ZNF541: variants seen among roughly 807,000 people sequenced by gnomAD.
The protein encoded by ZNF541 is zinc finger protein 541.
ZNF541 carries 23 observed loss-of-function variants against 123.5 expected under a neutral mutation model. That is an observed-to-expected ratio of 0.19 (90% confidence interval 0.13 to 0.26). ZNF541 has a LOEUF of 0.26. ZNF541 is among the 10% of genes least tolerant of loss of function. ZNF541 has a pLI of 1.00. For synonymous variants in ZNF541, 751 were observed against 754.5 expected, an observed-to-expected ratio of 1.00 and a Z score of 0.08; for missense variants, 1,612 against 1,789.9, an observed-to-expected ratio of 0.90 and a Z score of 1.79.
In ZNF541 at chr19:47,539,783, G is replaced by A. The variant is rs1314196390; in HGVS notation, c.2718C>T (p.Pro906=). The stretch of plus-strand genomic sequence containing the variant: ...GGACCACCAAAGGGGCTGCAGCTGT[G>A]GGGTCCAAGGGCTTCTTGGTTCCTG... ...SPPGTKKPLD[P]TAAAPLVVPQ... is the part of the protein sequence containing the mutation. The change falls in exon 8 of 17, where the codon CCC becomes CCT. Residue 906 remains proline, a synonymous_variant. Coordinates refer to ENST00000391901, the MANE Select transcript of ZNF541 (RefSeq NM_001277075.3). 1 of 1,478,552 alleles carries A rather than the reference G, an allele frequency of 6.8e-7. No individual in the cohort carries two copies. The highest frequency in any genetic ancestry group is 1.5e-5 in the African/African-American group (1 of 67,508). The allele number at this position is 1,478,552 out of a possible 1,614,324, so 91.6% of individuals were successfully genotyped here.
chr19:47,570,634 T>C (rs889161718), intron 2 of ZNF541, among the ~76,000 whole-genome samples: 2 of 148,676 alleles, frequency 1.3e-5, no homozygotes, highest in African/African-American at 5.0e-5. Flanking sequence ...ATATAATGGG[T>C]TTATTACTGC....
intron 12 of ZNF541, among the ~76,000 whole-genome samples, chr19:47,530,165 T>C: frequency 6.8e-6 from 1 of 147,198 alleles, no homozygotes. Flanking sequence ...GCTAACAATT[T>C]TCTTTGTTTT....
intron 2 of ZNF541, among the ~76,000 whole-genome samples, chr19:47,569,269 T>C (rs1343565734): frequency 6.6e-6 from 1 of 152,078 alleles, no homozygotes; most frequent in Non-Finnish European, 1.5e-5. Context: ...ATAATAATAA[T>C]AACAGTGAAC....
At chr19:47,556,552 C>T (rs1418892233) in intron 2 of ZNF541, among the ~76,000 whole-genome samples, 1 of 151,970 alleles carries the variant, frequency 6.6e-6, no homozygotes, top group Non-Finnish European at 1.5e-5. Context: ...TCAAGCGATC[C>T]TCCCACCTTG....
intron 14 of ZNF541, among the ~76,000 whole-genome samples, chr19:47,528,477 C>T (rs184459982): frequency 5.1e-4 from 78 of 151,740 alleles, no homozygotes; most frequent in African/African-American, 1.6e-3. Flanking sequence ...CCACCATGCC[C>T]GGCTAATTTT....
At chr19:47,558,399 G>C (rs56064161) in intron 2 of ZNF541, among the ~76,000 whole-genome samples, 6,539 of 151,690 alleles carry the variant, frequency 0.043, 452 homozygotes, top group African/African-American at 0.15. Context: ...CTGGGCAACA[G>C]AGCGAGACTC....
At chr19:47,548,747 C>T (rs891090106) in intron 4 of ZNF541, among the ~76,000 whole-genome samples, 3 of 152,112 alleles carry the variant, frequency 2.0e-5, no homozygotes, top group Non-Finnish European at 2.9e-5. Flanking sequence ...GGGACAGCAG[C>T]GCCCACTCTC....
chr19:47,524,023 C>G (rs1599936894), intron 14 of ZNF541, among the ~76,000 whole-genome samples: 4 of 152,146 alleles, frequency 2.6e-5, no homozygotes, highest in African/African-American at 7.2e-5. Flanking sequence ...AGTGCCCGTT[C>G]CCACAGCCAG....
chr19:47,524,706 TAAA>T (rs1159585510), intron 14 of ZNF541, among the ~76,000 whole-genome samples: 7 of 96,730 alleles, frequency 7.2e-5, no homozygotes, highest in African/African-American at 1.2e-4. Flanking sequence ...AGACTCTGTC[TAAA>T]AAAAAAAAAA....
intron 2 of ZNF541, among the ~76,000 whole-genome samples, chr19:47,568,973 A>C (rs964506405): frequency 6.6e-6 from 1 of 151,926 alleles, no homozygotes; most frequent in African/African-American, 2.4e-5. Flanking sequence ...CCCAGCCTCC[A>C]CTCCAAATAT....
chr19:47,564,107 C>T (rs1416487365), intron 2 of ZNF541, among the ~76,000 whole-genome samples: 1 of 152,146 alleles, frequency 6.6e-6, no homozygotes, highest in Admixed American at 6.5e-5. Flanking sequence ...ATGGTCTTGC[C>T]CATTACACAG....
chr19:47,560,145 G>A (rs542197762), intron 2 of ZNF541, among the ~76,000 whole-genome samples: 7 of 152,150 alleles, frequency 4.6e-5, no homozygotes, highest in African/African-American at 1.2e-4. Context: ...CAGACAGGGC[G>A]TTTGTTGCAA....
chr19:47,545,751 G>T lies in ZNF541; in HGVS notation c.778C>A (p.Pro260Thr). ...AGGGAGCCGGGGGACCTGGCCTCTG[G>T]GGGCACCAGGGACCGCAGGCTGCTG... ...PPSSLRSLVP[P>T]EARSPGSLLP... Residue 260 changes from proline (P) to threonine (T), a missense_variant, in exon 5 of 17, where the codon CCA becomes ACA. This residue lies in a region of ZNF541 where 1,080 missense variants were observed against 1,013.8 expected (regional missense o/e 1.07). Transcript: ENST00000391901. This position sits in a 1 kb window ranked among gnomAD's most constrained non-coding sequence, Gnocchi z 7.5. The T allele has an allele frequency of 1.3e-6, 2 of 1,543,382 alleles. No individual in the cohort carries two copies. Among genetic ancestry groups the T allele is most frequent in the South Asian group, 1.2e-5 (1 of 83,966 alleles).
intron 14 of ZNF541, among the ~76,000 whole-genome samples, chr19:47,523,164 G>A (rs1250617520): frequency 6.6e-6 from 1 of 150,630 alleles, no homozygotes; most frequent in East Asian, 1.9e-4. Context: ...GAGTAGCTGG[G>A]ACTATAGGCG....
chr19:47,529,153 G>T, intron 13 of ZNF541, 115 bp from the exon 14 acceptor site: 1 of 767,316 alleles, frequency 1.3e-6, no homozygotes, highest in Non-Finnish European at 2.1e-6. Flanking sequence ...CCAATTATGT[G>T]CCAATCTCAT....
At chr19:47,563,472 T>C (rs1382620717) in intron 2 of ZNF541, among the ~76,000 whole-genome samples, 2 of 152,116 alleles carry the variant, frequency 1.3e-5, no homozygotes, top group Non-Finnish European at 2.9e-5. Flanking sequence ...GGAGTGTGGA[T>C]CTGTAAGCCA....
Position 47,545,014 on chromosome 19 carries a change from C to G in ZNF541, c.1515G>C (p.Lys505Asn). ...GGCACAGGAAGGAGTCGCAGTCGAC[C>G]TTGACCTTCTTGGGGGCGCAGGGGT... ...EDDPCAPKKV[K>N]VDCDSFLCQN... Residue 505 changes from lysine to asparagine, a missense_variant, in exon 5 of 17, where the codon AAG becomes AAC. Transcript: ENST00000391901. The surrounding 1 kb of genome is among the most constrained non-coding windows in gnomAD (Gnocchi z 7.5). 6.6e-7 allele frequency: 1 copy of G among 1,509,208 alleles called. No homozygotes were observed. The highest frequency in any genetic ancestry group is 8.8e-7 in the Non-Finnish European group (1 of 1,134,162). 93.5% of individuals were successfully genotyped at this position (1,509,208 alleles called of 1,614,324 possible).
Position 47,521,785 on chromosome 19 carries a change from C to G in ZNF541, c.3711+69G>C. ...GAGCACCCCCGCCCTCTGACCCCAC[C>G]GTCCAACTCAACGGGTAGCAGGCAC... is the stretch of plus-strand genomic sequence containing the variant. On this transcript the variant is annotated intron_variant, in intron 15 of 16. Transcript: ENST00000391901. This position sits in a 1 kb window ranked among gnomAD's most constrained non-coding sequence, Gnocchi z 4.2. 6.5e-7 allele frequency: 1 copy of G among 1,532,130 alleles called. No individual in the cohort carries two copies. The highest frequency in any genetic ancestry group is 8.8e-7 in the Non-Finnish European group (1 of 1,135,614). The allele number at this position is 1,532,130 out of a possible 1,614,324, so 94.9% of individuals were successfully genotyped here.
chr19:47,526,246 CCAAGG>C (rs1969289043), intron 14 of ZNF541, among the ~76,000 whole-genome samples: 1 of 152,040 alleles, frequency 6.6e-6, no homozygotes, highest in Non-Finnish European at 1.5e-5. Context: ...CTTTGGGAGG[CCAAGG>C]TGGGCAGATC....
Sources: gnomAD v4.1 joint callset for allele counts (sites outside exome capture counted in the v4.1 genomes callset) on GRCh38, gnomAD v4.1.1 for gene constraint, gnomAD v4.1.1 regional missense constraint, Gnocchi (gnomAD v3.1) non-coding constraint, MANE v1.5 for transcripts, NCBI Gene and HGNC (gene_info 2026-07-23, HGNC 2026-07-21) for gene names.